DMD: variants seen among roughly 807,000 people sequenced by gnomAD.
The protein encoded by DMD is mutant dystrophin.
A neutral mutation model predicts 330.1 loss-of-function variants in DMD; 63 were observed. The ratio of observed to expected loss-of-function variants is 0.19; its 90% CI spans 0.16 to 0.24. The LOEUF is 0.24. Among genes scored for constraint, DMD ranks in the 10% least tolerant of loss-of-function variants. DMD has a pLI of 1.00. For synonymous variants in DMD, 1,223 were observed against 959.8 expected (o/e 1.27, Z -5.07); for missense variants, 3,344 against 2,684.1 (o/e 1.25, Z -5.43).
chrX:32,417,953 T>TA lies in DMD; in HGVS notation c.4072-6041dup, dbSNP rs761738473. Among the ~76,000 whole-genome samples, 423 of 96,017 alleles carry TA rather than the reference T, an allele frequency of 4.4e-3. 1 individual carries two copies. The highest frequency in any genetic ancestry group is 0.013 in the African/African-American group (347 of 26,322). The allele number at this position is 96,017 out of a possible 115,157, so 83.4% of individuals were successfully genotyped here. On this transcript the variant is annotated intron_variant, in intron 29 of 78. Transcript: ENST00000357033. ...GAGAATAATATAACTGAAGTGCAGTTAAAAAAAAAAAAAAGAAAAAGAGGC... is the reference window on the plus strand; with the variant it reads ...GAGAATAATATAACTGAAGTGCAGTTAAAAAAAAAAAAAAAGAAAAAGAGGC...
Position 32,928,183 on chromosome X carries a change from C to T in DMD, c.94-78363G>A, listed in dbSNP as rs1031500507. On this transcript the variant is annotated intron_variant, in intron 2 of 78. Coordinates refer to ENST00000357033, the MANE Select transcript of DMD (RefSeq NM_004006.3). Reference sequence around the variant, plus strand: ...TCGCATTTCATGAAATGACTTTATTCGATCTCTTTGAAAGCTACTTTGAGG... The same window carrying T: ...TCGCATTTCATGAAATGACTTTATTTGATCTCTTTGAAAGCTACTTTGAGG... Among the ~76,000 whole-genome samples the T allele has an allele frequency of 1.9e-4, 21 of 110,308 alleles. No individual in the cohort carries two copies. The Admixed American group carries it at 2.1e-3, about 11-fold the overall frequency.
intron 34 of DMD, among the ~76,000 whole-genome samples, chrX:32,367,283 G>A (rs2097857812): frequency 9.0e-6 from 1 of 111,601 alleles, no homozygotes; most frequent in Non-Finnish European, 1.9e-5. Context: ...CGGTAGAGAA[G>A]TCCCCATCCT....
chrX:31,353,252 G>A (rs1030587250), intron 60 of DMD, among the ~76,000 whole-genome samples: 9 of 111,088 alleles, frequency 8.1e-5, no homozygotes, highest in Non-Finnish European at 1.7e-4. Flanking sequence ...ATGATGCAAA[G>A]CAAGGCGTCC....
At chrX:32,539,175 T>TTTC (rs1017222056) in intron 17 of DMD, among the ~76,000 whole-genome samples, 3 of 103,527 alleles carry the variant, frequency 2.9e-5, no homozygotes, top group African/African-American at 1.1e-4. Flanking sequence ...TCTATTTCTT[T>TTTC]TTTTTTTTTT....
chrX:32,081,072 A>G (rs1016680311), intron 44 of DMD, among the ~76,000 whole-genome samples: 7 of 111,980 alleles, frequency 6.3e-5, no homozygotes, highest in African/African-American at 2.0e-4. Context: ...GAAGTCTACC[A>G]AGGCAATATT....
chrX:31,570,714 T>A (rs757794256), intron 55 of DMD, among the ~76,000 whole-genome samples: 10 of 111,051 alleles, frequency 9.0e-5, no homozygotes, highest in Non-Finnish European at 1.9e-4. Context: ...TATTTGTAGA[T>A]GACAAAGATT....
intron 71 of DMD, among the ~76,000 whole-genome samples, chrX:31,176,586 C>G (rs746835435): frequency 9.0e-6 from 1 of 111,185 alleles, no homozygotes; most frequent in Admixed American, 9.6e-5. Context: ...AATCCATTCC[C>G]TTATCAGGAT....
chrX:31,950,543 A>AT (rs1355432668), intron 45 of DMD, among the ~76,000 whole-genome samples: 1 of 110,595 alleles, frequency 9.0e-6, no homozygotes, highest in Non-Finnish European at 1.9e-5. Context: ...TATTGTTGCT[A>AT]TTTTTCTGTC....
At chrX:32,785,951 C>A (rs185735611) in intron 7 of DMD, among the ~76,000 whole-genome samples, 3 of 110,024 alleles carry the variant, frequency 2.7e-5, no homozygotes. Flanking sequence ...TAGTTTTTTC[C>A]CCACTTCTGG....
chrX:32,857,327 TAAG>T (rs1205181890), intron 2 of DMD, among the ~76,000 whole-genome samples: 1 of 112,252 alleles, frequency 8.9e-6, no homozygotes. Flanking sequence ...TCTCTAGTAA[TAAG>T]AAAATAAATT....
intron 44 of DMD, among the ~76,000 whole-genome samples, chrX:31,981,020 A>T (rs1179633643): frequency 8.9e-6 from 1 of 112,003 alleles, no homozygotes; most frequent in Non-Finnish European, 1.9e-5. Context: ...ACTAACTGAA[A>T]TAGGCTGATT....
intron 48 of DMD, among the ~76,000 whole-genome samples, chrX:31,860,624 G>A (rs1177145985): frequency 8.9e-6 from 1 of 112,108 alleles, no homozygotes; most frequent in Non-Finnish European, 1.9e-5. Flanking sequence ...GGAAAGTGCA[G>A]TTTTGATTTT....
chrX:32,715,025 G>A (rs759119318), intron 7 of DMD, among the ~76,000 whole-genome samples: 33 of 111,049 alleles, frequency 3.0e-4, no homozygotes, highest in Non-Finnish European at 5.7e-5. Context: ...TAATCCTCAT[G>A]TTTTATATTA....
intron 76 of DMD, among the ~76,000 whole-genome samples, chrX:31,140,774 TACTG>T (rs1272606140): frequency 2.4e-3 from 107 of 44,800 alleles, no homozygotes; most frequent in African/African-American, 5.3e-3. Flanking sequence ...ACAAGCACTT[TACTG>T]ATTGTTTGTT....
chrX:31,801,021 C>T (rs2092036163), intron 50 of DMD, among the ~76,000 whole-genome samples: 1 of 111,847 alleles, frequency 8.9e-6, no homozygotes, highest in Non-Finnish European at 1.9e-5. Flanking sequence ...TTACCCAGTT[C>T]CAAGTCACTT....
chrX:32,124,496 C>T (rs1256065124), intron 44 of DMD, among the ~76,000 whole-genome samples: 1 of 111,884 alleles, frequency 8.9e-6, no homozygotes, highest in Non-Finnish European at 1.9e-5. Flanking sequence ...GGTCCAAAGT[C>T]CTAATAGACC....
chrX:31,581,262 G>A (rs370697166), intron 55 of DMD, among the ~76,000 whole-genome samples: 53 of 111,740 alleles, frequency 4.7e-4, no homozygotes, highest in African/African-American at 1.6e-3. Context: ...GCCTGTCTGC[G>A]AATTTTCCTT....
intron 16 of DMD, among the ~76,000 whole-genome samples, chrX:32,554,899 A>G (rs971347404): frequency 3.0e-5 from 1 of 33,651 alleles, no homozygotes; most frequent in African/African-American, 1.9e-4. Flanking sequence ...GAAAGAAAGA[A>G]AGAAAGAAAG....
intron 60 of DMD, among the ~76,000 whole-genome samples, chrX:31,359,191 A>C (rs2058812586): frequency 8.9e-6 from 1 of 112,593 alleles, no homozygotes; most frequent in Admixed American, 9.4e-5. Flanking sequence ...ATAATAAAGT[A>C]TTATGGGAAA....
Sources: gnomAD v4.1 joint callset for allele counts (sites outside exome capture counted in the v4.1 genomes callset) on GRCh38, gnomAD v4.1.1 for gene constraint, MANE v1.5 for transcripts, NCBI Gene and HGNC (gene_info 2026-07-23, HGNC 2026-07-21) for gene names.